ANKRD6: variants seen among roughly 807,000 people sequenced by gnomAD.
ANKRD6 encodes the protein ankyrin repeat domain-containing protein 6.
A neutral mutation model predicts 82.3 loss-of-function variants in ANKRD6; 56 were observed. That is an observed-to-expected ratio of 0.68 (90% CI 0.55 to 0.85). The LOEUF is 0.85. Ranked by LOEUF, ANKRD6 falls within the 40% of genes least tolerant of loss-of-function variation. The pLI is 0.00. For missense variants in ANKRD6, 852 were observed against 907.6 expected, an observed-to-expected ratio of 0.94 and a Z score of 0.79; for synonymous variants, 347 against 352.1, an observed-to-expected ratio of 0.99 and a Z score of 0.16.
intron 5 of ANKRD6, among the ~76,000 whole-genome samples, chr6:89,609,812 A>G (rs1583730973): frequency 6.6e-6 from 1 of 151,834 alleles, no homozygotes; most frequent in Non-Finnish European, 1.5e-5. Flanking sequence ...AGGTTTCACC[A>G]TGTTGGCTGG....
intron 1 of ANKRD6, among the ~76,000 whole-genome samples, chr6:89,559,230 C>T (rs1000557830): frequency 6.6e-6 from 1 of 152,188 alleles, no homozygotes; most frequent in Non-Finnish European, 1.5e-5. Context: ...CTGCAGTTGT[C>T]TCTTTGCCTT....
intron 2 of ANKRD6, among the ~76,000 whole-genome samples, chr6:89,591,913 C>G (rs562209844): frequency 1.3e-3 from 195 of 152,316 alleles, no homozygotes; most frequent in African/African-American, 4.5e-3. Context: ...GCTCCTGTAC[C>G]ATTGTAGCTC....
chr6:89,557,345 A>C (rs1299096215), intron 1 of ANKRD6, among the ~76,000 whole-genome samples: 2 of 152,164 alleles, frequency 1.3e-5, no homozygotes, highest in Admixed American at 6.5e-5. Flanking sequence ...GAAGATGCCC[A>C]AAAACCTCAA....
chr6:89,471,866 G>C (rs1187794209), intron 1 of ANKRD6, among the ~76,000 whole-genome samples: 1 of 143,766 alleles, frequency 7.0e-6, no homozygotes, highest in African/African-American at 2.6e-5. Flanking sequence ...TTGAACCCAG[G>C]AGGCAGAGTT....
At chr6:89,595,285 C>G (rs1309700670) in intron 2 of ANKRD6, among the ~76,000 whole-genome samples, 1 of 152,168 alleles carries the variant, frequency 6.6e-6, no homozygotes, top group Non-Finnish European at 1.5e-5. Flanking sequence ...ATCGCTTGAG[C>G]CTGGGTTAGC....
At chr6:89,469,955 C>T (rs909797478) in intron 1 of ANKRD6, among the ~76,000 whole-genome samples, 1 of 152,204 alleles carries the variant, frequency 6.6e-6, no homozygotes, top group Non-Finnish European at 1.5e-5. Context: ...AGCCATCTCT[C>T]TCTCCTTTTC....
chr6:89,445,937 A>G (rs1205523010), intron 1 of ANKRD6, among the ~76,000 whole-genome samples: 3 of 152,168 alleles, frequency 2.0e-5, no homozygotes, highest in Non-Finnish European at 4.4e-5. Flanking sequence ...ATTGTGCCCA[A>G]ATAAGAAGGA....
intron 2 of ANKRD6, among the ~76,000 whole-genome samples, chr6:89,593,067 C>G (rs527463775): frequency 6.6e-6 from 1 of 152,244 alleles, no homozygotes; most frequent in African/African-American, 2.4e-5. Context: ...AAGTGAGACT[C>G]CATCTCAATT....
intron 1 of ANKRD6, 112 bp from the exon 2 acceptor site, chr6:89,566,722 C>A (rs970486550): frequency 7.3e-6 from 3 of 409,248 alleles, no homozygotes; most frequent in Non-Finnish European, 1.4e-5. Flanking sequence ...CCCACAGCTA[C>A]CCTCCCCTGC....
chr6:89,562,449 T>TAA (rs754298482), intron 1 of ANKRD6: 1 of 152,220 alleles, frequency 6.6e-6, no homozygotes, highest in Non-Finnish European at 1.5e-5. Context: ...CTCCCTCCCT[T>TAA]ACAACACGCA....
chr6:89,536,710 A>G (rs943908286), intron 1 of ANKRD6, among the ~76,000 whole-genome samples: 4 of 152,226 alleles, frequency 2.6e-5, no homozygotes. Flanking sequence ...AATGCTCTTC[A>G]TATTATCTAG....
rs886645312 is a variant in ANKRD6, at chr6:89,457,583, A to G, written c.-144+24208A>G. On this transcript the variant is annotated intron_variant, in intron 1 of 15. Transcript: ENST00000339746. ...AACCATTATACTAATCCAAATACAT[A>G]TATTTATCTATTAATAGATTTATCT... 6.6e-5 allele frequency among the ~76,000 whole-genome samples: 10 copies of G among 152,364 alleles called. No homozygotes were observed. In the South Asian group the frequency reaches 1.0e-3, roughly 16 times the overall value.
Position 89,436,309 on chromosome 6 carries a change from C to G in ANKRD6, c.-144+2934C>G, listed in dbSNP as rs1406429099. Among the ~76,000 whole-genome samples the G allele has an allele frequency of 2.0e-5, 3 of 152,180 alleles. No individual in the cohort carries two copies. In the South Asian group the frequency reaches 6.2e-4, roughly 31 times the overall value. ...CCGCAGCATTTGGCTTTTATCACAG[C>G]AGCCACAGAAAACCCAGCTTTGCAA... On this transcript the variant is annotated intron_variant, in intron 1 of 15. Transcript: ENST00000339746.
chr6:89,511,236 T>G (rs1780513061), intron 1 of ANKRD6, among the ~76,000 whole-genome samples: 1 of 152,222 alleles, frequency 6.6e-6, no homozygotes, highest in Non-Finnish European at 1.5e-5. Flanking sequence ...CCTCTCAGGT[T>G]CCTGGCTTCC....
Position 89,630,511 on chromosome 6 carries a change from A to G in ANKRD6, c.1691A>G (p.Lys564Arg), listed in dbSNP as rs187836059. The change falls in exon 16 of 16, where the codon AAG becomes AGG. Residue 564 changes from lysine to arginine, a missense_variant. Physicochemically the swap from Lys to Arg is conservative, Grantham distance 26. Transcript: ENST00000339746. ...CCTCCAGTGGTTAGGCCCAAAGAGA[A>G]GGCCCTCAACTCCACTGCTACCCAG... ...SSPPVVRPKEKALNSTATQRL... is the reference protein window; with the variant it reads ...SSPPVVRPKERALNSTATQRL... 112 of 1,614,032 alleles carry G rather than the reference A, an allele frequency of 6.9e-5. No individual in the cohort carries two copies. The East Asian group carries it at 2.3e-3, about 33-fold the overall frequency.
chr6:89,605,586 G>T (rs1322408369), intron 4 of ANKRD6, among the ~76,000 whole-genome samples: 2 of 152,178 alleles, frequency 1.3e-5, no homozygotes, highest in African/African-American at 2.4e-5. Flanking sequence ...TCTTTGCAGG[G>T]TTCTCTCTGA....
intron 5 of ANKRD6, among the ~76,000 whole-genome samples, chr6:89,606,309 C>G (rs575151959): frequency 2.0e-5 from 3 of 152,318 alleles, no homozygotes; most frequent in African/African-American, 7.2e-5. Flanking sequence ...AGTGCACCAA[C>G]AGCGCCAAAA....
At chr6:89,516,539 A>G (rs1480380082) in intron 1 of ANKRD6, among the ~76,000 whole-genome samples, 2 of 151,908 alleles carry the variant, frequency 1.3e-5, no homozygotes, top group African/African-American at 4.8e-5. Context: ...CAGTGGTGTG[A>G]TCTCAGCTCA....
intron 1 of ANKRD6, among the ~76,000 whole-genome samples, chr6:89,448,436 G>GAA (rs71024376): frequency 8.9e-4 from 128 of 144,336 alleles, no homozygotes; most frequent in Non-Finnish European, 7.1e-4. Context: ...TGTCAAAAAA[G>GAA]AAAAAAAAAA....
Sources: gnomAD v4.1 joint callset for allele counts (sites outside exome capture counted in the v4.1 genomes callset) on GRCh38, gnomAD v4.1.1 for gene constraint, MANE v1.5 for transcripts, NCBI Gene and HGNC (gene_info 2026-07-23, HGNC 2026-07-21) for gene names.